The following CDH13 variants were observed in gnomAD, a reference collection of about 807,000 sequenced individuals.
CDH13 encodes cadherin 13.
Under a neutral mutation model 63.8 loss-of-function variants are expected in CDH13, and 24 were observed. That is an observed-to-expected ratio of 0.38 (90% CI 0.27 to 0.53). CDH13 has a LOEUF of 0.53. Ranked by LOEUF, CDH13 falls within the 20% of genes least tolerant of loss-of-function variation. The probability of loss-of-function intolerance (pLI) is 0.85; values close to 1 mark genes in which losing one functional copy is unlikely to be tolerated. For synonymous variants in CDH13, 503 were observed against 355.3 expected, an observed-to-expected ratio of 1.42 and a Z score of -4.67; for missense variants, 1,049 against 903.1, an observed-to-expected ratio of 1.16 and a Z score of -2.07.
intron 6 of CDH13, chr16:83,396,600 A>G (rs967887976): frequency 4.6e-5 from 7 of 151,706 alleles, no homozygotes; most frequent in African/African-American, 1.7e-4. Context: ...CTTTACCTGA[A>G]CTCTCTCATC....
intron 1 of CDH13, among the ~76,000 whole-genome samples, chr16:82,657,308 GTC>G (rs906414342): frequency 2.6e-5 from 4 of 152,184 alleles, no homozygotes; most frequent in African/African-American, 4.8e-5. Context: ...CATGTGGGCT[GTC>G]TCTCTCAAAA....
chr16:83,365,729 G>C (rs2091246691), intron 6 of CDH13, among the ~76,000 whole-genome samples: 1 of 152,196 alleles, frequency 6.6e-6, no homozygotes, highest in Non-Finnish European at 1.5e-5. Context: ...AGATGCAGCA[G>C]CAGAGAAGAG....
chr16:83,494,912 C>A (rs1438029842), intron 7 of CDH13, among the ~76,000 whole-genome samples: 1 of 152,180 alleles, frequency 6.6e-6, no homozygotes, highest in South Asian at 2.1e-4. Flanking sequence ...GGACATATGG[C>A]ACTATGATGT....
intron 5 of CDH13, among the ~76,000 whole-genome samples, chr16:83,295,868 C>G (rs191419405): frequency 6.6e-6 from 1 of 152,176 alleles, no homozygotes; most frequent in African/African-American, 2.4e-5. Flanking sequence ...GTCTGCACTT[C>G]TGTATGTATT....
chr16:83,707,836 C>CAAAAAAAAAAAAA (rs61067563), intron 10 of CDH13, among the ~76,000 whole-genome samples: 924 of 78,730 alleles, frequency 0.012, 55 homozygotes, highest in East Asian at 0.017. Flanking sequence ...ACCCTAAAGG[C>CAAAAAAAAAAAAA]AAAAAAAAAA....
At chr16:83,513,973 G>A (rs371759666) in intron 7 of CDH13, among the ~76,000 whole-genome samples, 1 of 152,262 alleles carries the variant, frequency 6.6e-6, no homozygotes, top group African/African-American at 2.4e-5. Context: ...CTGTCCAATA[G>A]AGACTGTCTT....
At chr16:82,898,845 C>T (rs2041359667) in intron 2 of CDH13, among the ~76,000 whole-genome samples, 1 of 147,688 alleles carries the variant, frequency 6.8e-6, no homozygotes, top group South Asian at 2.1e-4. Context: ...TTCTAGGAAA[C>T]AGAGTCTGAG....
At chr16:83,204,739 A>G (rs2039133022) in intron 4 of CDH13, among the ~76,000 whole-genome samples, 1 of 152,220 alleles carries the variant, frequency 6.6e-6, no homozygotes. Context: ...AAAAAACAAA[A>G]GCTTGATTAA....
intron 5 of CDH13, among the ~76,000 whole-genome samples, chr16:83,247,549 T>C (rs1305964408): frequency 6.6e-6 from 1 of 152,144 alleles, no homozygotes; most frequent in Admixed American, 6.5e-5. Flanking sequence ...CAGAATTAGA[T>C]ATCACTCCCC....
intron 6 of CDH13, among the ~76,000 whole-genome samples, chr16:83,412,863 A>G (rs1292571741): frequency 6.6e-6 from 1 of 152,226 alleles, no homozygotes. Context: ...CCAGAACAGT[A>G]AACAGTGTAA....
intron 2 of CDH13, among the ~76,000 whole-genome samples, chr16:82,915,964 G>A (rs1486546608): frequency 2.0e-5 from 3 of 151,816 alleles, no homozygotes; most frequent in Non-Finnish European, 4.4e-5. Flanking sequence ...TGCTTTAAAG[G>A]AGGTGTTCAA....
At chr16:82,666,132 C>A (rs16958045) in intron 1 of CDH13, among the ~76,000 whole-genome samples, 24 of 152,188 alleles carry the variant, frequency 1.6e-4, no homozygotes, top group African/African-American at 4.6e-4. Context: ...AACGATCTCA[C>A]GTCTGTTTTT....
At chr16:83,649,172 G>T (rs1305406955) in intron 8 of CDH13, among the ~76,000 whole-genome samples, 1 of 152,212 alleles carries the variant, frequency 6.6e-6, no homozygotes, top group Non-Finnish European at 1.5e-5. Context: ...GGCTGCTGTT[G>T]GAGTGAGCCT....
rs181013576 is a variant in CDH13, at chr16:83,080,984, C to T, written c.367-44401C>T. 3.9e-3 allele frequency among the ~76,000 whole-genome samples: 536 copies of T among 136,090 alleles called. 4 individuals carry two copies. The highest frequency in any genetic ancestry group is 0.014 in the African/African-American group (507 of 37,026). The allele number at this position is 136,090 out of a possible 152,430, so 89.3% of individuals were successfully genotyped here. The stretch of plus-strand genomic sequence containing the variant: ...GCAACCTCTGCCTCCCAGGTTCAAA[C>T]GATTCCCCTGCCTCAGCCTCCCGAG... On this transcript the variant is annotated intron_variant, in intron 3 of 13. Coordinates refer to ENST00000567109, the MANE Select transcript of CDH13 (RefSeq NM_001257.5).
intron 5 of CDH13, among the ~76,000 whole-genome samples, chr16:83,277,251 A>T (rs12921363): frequency 6.6e-6 from 1 of 151,926 alleles, no homozygotes; most frequent in South Asian, 2.1e-4. Flanking sequence ...TTTGGATGGA[A>T]AGTCATCTAC....
intron 1 of CDH13, among the ~76,000 whole-genome samples, chr16:82,657,528 T>C (rs550258664): frequency 6.6e-6 from 1 of 152,330 alleles, no homozygotes; most frequent in Admixed American, 6.5e-5. Context: ...TTATGAATTA[T>C]TTTTGGAATT....
At chr16:83,241,944 T>C (rs1904493157) in intron 5 of CDH13, among the ~76,000 whole-genome samples, 1 of 152,204 alleles carries the variant, frequency 6.6e-6, no homozygotes, top group Admixed American at 6.5e-5. Context: ...CATTATGTTT[T>C]CCACTAGCAG....
intron 2 of CDH13, among the ~76,000 whole-genome samples, chr16:83,019,764 G>A (rs562720922): frequency 2.0e-5 from 3 of 149,878 alleles, no homozygotes; most frequent in East Asian, 4.0e-4. Context: ...CCAAAGTGCT[G>A]GGATTACAAG....
rs1190247574 is a variant in CDH13 at position 82,873,466 on chromosome 16, C to G, written c.157+14993C>G. 2.0e-5 allele frequency among the ~76,000 whole-genome samples: 3 copies of G among 152,100 alleles called. No homozygotes were observed. In the East Asian group the frequency reaches 5.8e-4, roughly 29 times the overall value. ...CACAGTAAAGTGCTCCTGTCATTGC[C>G]TCTGAGAACAGACTGGGGTGTCCTT... On this transcript the variant is annotated intron_variant, in intron 2 of 13. Transcript: ENST00000567109.
Sources: allele counts gnomAD v4.1 joint callset (sites outside exome capture counted in the v4.1 genomes callset), GRCh38; gene constraint gnomAD v4.1.1; transcripts MANE v1.5; gene names NCBI Gene and HGNC (gene_info 2026-07-23, HGNC 2026-07-21).